The following C10orf53 variants were observed in gnomAD, a reference collection of about 807,000 sequenced individuals.
C10orf53 encodes the protein chromosome 10 open reading frame 53.
In C10orf53, 8 loss-of-function variants were observed where a neutral mutation model predicts 9.4. The observed-to-expected ratio is 0.85, with a 90% CI of 0.50 to 1.53. The LOEUF is 1.53. Ranked by LOEUF, C10orf53 falls within the 40% of genes most tolerant of loss-of-function variation. C10orf53 has a pLI of 0.00. For synonymous variants in C10orf53, 48 were observed against 46.0 expected (o/e 1.04, Z -0.18); for missense variants, 117 against 117.8 (o/e 0.99, Z 0.03).
chr10:49,683,331 A>G (rs1301716600), intron 1 of C10orf53, among the ~76,000 whole-genome samples: 3 of 152,172 alleles, frequency 2.0e-5, no homozygotes, highest in Non-Finnish European at 4.4e-5. Flanking sequence ...CTATGGAGAA[A>G]TGTCTGTTCA....
chr10:49,701,681 T>C (rs1176404668), downstream of C10orf53, among the ~76,000 whole-genome samples: 1 of 152,068 alleles, frequency 6.6e-6, no homozygotes, highest in Non-Finnish European at 1.5e-5. Flanking sequence ...TCAGGTCCCT[T>C]CTCACCTATC....
At chr10:49,699,188 A>ATTTTTTTT (rs1210027084), downstream of C10orf53, among the ~76,000 whole-genome samples, 4 of 47,780 alleles carry the variant, frequency 8.4e-5, no homozygotes, top group Non-Finnish European at 1.9e-4. Flanking sequence ...TGGTGGCTCA[A>ATTTTTTTT]TCTTTTTTTT....
At chr10:49,693,684 A>G (rs905153649) in intron 1 of C10orf53, 90 bp from the exon 2 acceptor site, 1 of 1,448,144 alleles carries the variant, frequency 6.9e-7, no homozygotes. Flanking sequence ...TAGATGGCAG[A>G]CAAGCTACTG....
chr10:49,708,481 A>G, exon 3 of C10orf53: 1 of 1,614,190 alleles, frequency 6.2e-7, no homozygotes. Context: ...CAAAAGACCC[A>G]GGACCTGACT....
At chr10:49,689,874 T>G (rs1840565515) in intron 1 of C10orf53, among the ~76,000 whole-genome samples, 1 of 152,226 alleles carries the variant, frequency 6.6e-6, no homozygotes, top group Non-Finnish European at 1.5e-5. Flanking sequence ...ATTATGAATC[T>G]TCATTACATT....
Position 49,694,947 on chromosome 10 carries a change from C to G in C10orf53, c.*345C>G. The G allele has an allele frequency of 9.5e-7, 1 of 1,054,058 alleles. No homozygotes were observed. The highest frequency in any genetic ancestry group is 1.1e-6 in the Non-Finnish European group (1 of 873,310). The allele number at this position is 1,054,058 out of a possible 1,614,324, so 65.3% of individuals were successfully genotyped here. A position where few individuals can be genotyped will look rare whatever the true frequency, so the allele number is the denominator to read the frequency against. ...AATAACACATAGTTGCCAGAAGCAT[C>G]TGAGATTCCATTGTTTAGTACTCAA... On this transcript the variant is annotated 3_prime_UTR_variant, in exon 3 of 3. Transcript: ENST00000374111.
intron 2 of C10orf53, chr10:49,708,267 T>C (rs1044082618): frequency 1.3e-6 from 2 of 1,529,268 alleles, no homozygotes; most frequent in Admixed American, 2.1e-5. Flanking sequence ...AGTCCAGCTA[T>C]AGGCATAGGT....
chr10:49,700,320 G>A (rs368678133), downstream of C10orf53, among the ~76,000 whole-genome samples: 2 of 152,226 alleles, frequency 1.3e-5, no homozygotes, highest in South Asian at 4.1e-4. Context: ...GAGAGAAGTG[G>A]CATCAGGGTG....
chr10:49,686,716 C>T (rs1339879835), intron 1 of C10orf53, among the ~76,000 whole-genome samples: 1 of 152,164 alleles, frequency 6.6e-6, no homozygotes, highest in East Asian at 1.9e-4. Context: ...TTGAGAAATT[C>T]CAGCCTGGTA....
At chr10:49,705,650 G>A (rs775211581) in intron 2 of C10orf53, among the ~76,000 whole-genome samples, 10 of 152,062 alleles carry the variant, frequency 6.6e-5, no homozygotes, top group Non-Finnish European at 1.2e-4. Context: ...AGACCTATAT[G>A]TAAGAGCCAA....
intron 2 of C10orf53, among the ~76,000 whole-genome samples, chr10:49,702,708 A>C (rs1055979561): frequency 1.3e-5 from 2 of 152,204 alleles, no homozygotes; most frequent in Non-Finnish European, 2.9e-5. Flanking sequence ...ATACAGATAT[A>C]GGTTTAGCTA....
chr10:49,687,753 G>A lies in C10orf53; in HGVS notation c.98-6021G>A, dbSNP rs542296190. 5.9e-5 allele frequency among the ~76,000 whole-genome samples: 9 copies of A among 152,302 alleles called. No homozygotes were observed. In the South Asian group the frequency reaches 1.9e-3, roughly 32 times the overall value. Reference sequence around the variant, plus strand: ...GGTGCAGGCAACCTGGGCACTTCTGGGGAGCAGCAGGCTATTGGGTCTGGT... The same window carrying A: ...GGTGCAGGCAACCTGGGCACTTCTGAGGAGCAGCAGGCTATTGGGTCTGGT... On this transcript the variant is annotated intron_variant, in intron 1 of 2. Coordinates refer to ENST00000374111, the MANE Select transcript of C10orf53 (RefSeq NM_001042427.3).
At chr10:49,686,266 T>C (rs1038802535) in intron 1 of C10orf53, among the ~76,000 whole-genome samples, 4 of 152,364 alleles carry the variant, frequency 2.6e-5, no homozygotes, top group African/African-American at 9.6e-5. Context: ...TAATTTCTTA[T>C]GCCTGTCTTT....
intron 1 of C10orf53, among the ~76,000 whole-genome samples, chr10:49,690,685 T>C (rs572873104): frequency 1.6e-4 from 24 of 152,292 alleles, no homozygotes; most frequent in African/African-American, 5.8e-4. Flanking sequence ...CATGCTCTAC[T>C]TAAGTTTGCC....
chr10:49,699,190 CTTTTTTTTTTTTTTTTTTTT>C (rs67695235), downstream of C10orf53, among the ~76,000 whole-genome samples: 1 of 64,870 alleles, frequency 1.5e-5, no homozygotes, highest in South Asian at 9.1e-4. Context: ...GTGGCTCAAT[CTTTTTTTTTTTTTTTTTTTT>C]TTTTGACAAG....
intron 2 of C10orf53, 92 bp from the exon 3 acceptor site, chr10:49,694,446 A>G: frequency 6.5e-7 from 1 of 1,541,064 alleles, no homozygotes; most frequent in Admixed American, 1.8e-5. Context: ...GGCCTTTGAA[A>G]ATGCACTCTG....
chr10:49,689,539 C>T (rs1324115455), intron 1 of C10orf53, among the ~76,000 whole-genome samples: 1 of 152,058 alleles, frequency 6.6e-6, no homozygotes, highest in East Asian at 1.9e-4. Context: ...AAAAACAAAC[C>T]TCACACACGC....
At chr10:49,699,638 G>A (rs1342187152), downstream of C10orf53, among the ~76,000 whole-genome samples, 1 of 152,102 alleles carries the variant, frequency 6.6e-6, no homozygotes, top group Non-Finnish European at 1.5e-5. Flanking sequence ...TACACCTTTG[G>A]TCTGAGAGTC....
intron 1 of C10orf53, among the ~76,000 whole-genome samples, chr10:49,681,958 T>C (rs1840482987): frequency 6.6e-6 from 1 of 152,172 alleles, no homozygotes; most frequent in South Asian, 2.1e-4. Context: ...ATGTTTAAAA[T>C]GTTTTGTAGT....
Sources: allele counts gnomAD v4.1 joint callset (sites outside exome capture counted in the v4.1 genomes callset), GRCh38; gene constraint gnomAD v4.1.1; transcripts MANE v1.5; gene names NCBI Gene and HGNC (gene_info 2026-07-23, HGNC 2026-07-21).